Variants in TPRG1 observed in about 807,000 individuals in gnomAD.
TPRG1 encodes tumor protein p63 regulated 1.
In TPRG1, 29 loss-of-function variants were observed where a neutral mutation model predicts 29.3. The ratio of observed to expected loss-of-function variants is 0.99; its 90% CI spans 0.74 to 1.35. The LOEUF (loss-of-function observed/expected upper bound fraction) is 1.35, where lower values mean the gene tolerates loss of function less well. TPRG1 is among the 40% of genes most tolerant of loss of function. The pLI is 0.00. For missense variants in TPRG1, 327 were observed against 335.0 expected (o/e 0.98, Z 0.19); for synonymous variants, 130 against 116.8 (o/e 1.11, Z -0.73).
At chr3:189,162,283 G>T (rs1171157204) in intron 5 of TPRG1, among the ~76,000 whole-genome samples, 1 of 152,062 alleles carries the variant, frequency 6.6e-6, no homozygotes, top group South Asian at 2.1e-4. Context: ...ATGAGCCATC[G>T]CACCCAGCCG....
At chr3:189,095,352 C>T (rs1718606590), upstream of TPRG1, among the ~76,000 whole-genome samples, 1 of 152,076 alleles carries the variant, frequency 6.6e-6, no homozygotes. Flanking sequence ...AAAATTGTGT[C>T]TCAGTGGCAT....
At chr3:189,019,538 T>C (rs1713167735) in intron 3 of TPRG1, among the ~76,000 whole-genome samples, 1 of 152,256 alleles carries the variant, frequency 6.6e-6, no homozygotes, top group South Asian at 2.1e-4. Context: ...TTACATTTAC[T>C]GATTTGCGTG....
Position 189,078,091 on chromosome 3 carries a change from C to CTCTTTCTTTCTTTCTT in TPRG1, c.-462-48935_-462-48920dup, listed in dbSNP as rs67070787. Among the ~76,000 whole-genome samples the CTCTTTCTTTCTTTCTT allele has an allele frequency of 2.3e-3, 195 of 85,174 alleles. 2 individuals carry two copies. Among genetic ancestry groups the CTCTTTCTTTCTTTCTT allele is most frequent in the East Asian group, 0.011 (31 of 2,794 alleles). The allele number at this position is 85,174 out of a possible 152,430, so 55.9% of individuals were successfully genotyped here. A position where few individuals can be genotyped will look rare whatever the true frequency, so the allele number is the denominator to read the frequency against. On this transcript the variant is annotated intron_variant, in intron 4 of 10. Transcript: ENST00000433971. Reference sequence around the variant, plus strand: ...CTCCTTTCTCTCTTTCTCTCTTTCTCTCTTTCTTTCTTTCTTTCTTTCTTT... The same window carrying CTCTTTCTTTCTTTCTT: ...CTCCTTTCTCTCTTTCTCTCTTTCTCTCTTTCTTTCTTTCTTTCTTTCTTTCTTTCTTTCTTTCTTT...
chr3:189,318,591 A>G (rs925187606), intron 5 of TPRG1, among the ~76,000 whole-genome samples: 1 of 152,178 alleles, frequency 6.6e-6, no homozygotes, highest in East Asian at 1.9e-4. Context: ...GATCATAAAA[A>G]TAGAGCAGCT....
chr3:189,127,184 T>G (rs1399084359), exon 2 of TPRG1: 1 of 152,192 alleles, frequency 6.6e-6, no homozygotes, highest in Non-Finnish European at 1.5e-5. Context: ...AGAAGATCCT[T>G]GATAATATTT....
At chr3:189,141,132 G>T (rs796567330) in intron 3 of TPRG1, among the ~76,000 whole-genome samples, 15 of 152,280 alleles carry the variant, frequency 9.9e-5, no homozygotes, top group African/African-American at 3.6e-4. Flanking sequence ...ATGCCTACAG[G>T]TCTCTGTATC....
chr3:189,022,932 C>G (rs1460586007), intron 3 of TPRG1, among the ~76,000 whole-genome samples: 1 of 152,186 alleles, frequency 6.6e-6, no homozygotes, highest in African/African-American at 2.4e-5. Context: ...TCTCATGGTG[C>G]GCAGTTTTTT....
Position 189,144,471 on chromosome 3 carries a change from CTGTCAAA to C in TPRG1, c.-290-3112_-290-3106del, listed in dbSNP as rs1473306142. On this transcript the variant is annotated intron_variant, in intron 3 of 6. Coordinates refer to the TPRG1 transcript ENST00000412373. ...CGAAACAAAGAGGCAGGTGGTTCTGCTGTCAAACTGAGCATTAAAATATAACTGGGGG... is the reference window on the plus strand; with the variant it reads ...CGAAACAAAGAGGCAGGTGGTTCTGCCTGAGCATTAAAATATAACTGGGGG... 4.6e-5 allele frequency among the ~76,000 whole-genome samples: 7 copies of C among 152,290 alleles called. No homozygotes were observed. The East Asian group carries it at 1.2e-3, about 25-fold the overall frequency.
Position 189,024,155 on chromosome 3 carries a change from G to A in TPRG1, c.-463+209G>A, listed in dbSNP as rs1578205904. On this transcript the variant is annotated intron_variant, in intron 4 of 10. Transcript: ENST00000433971. ...CTGCCCTCCAGGCACTCCATCCCAG[G>A]GAGAAATTAGAACTCTGTAGCCAGT... 2.0e-5 allele frequency among the ~76,000 whole-genome samples: 3 copies of A among 152,378 alleles called. No homozygotes were observed. The South Asian group carries it at 6.2e-4, about 32-fold the overall frequency.
chr3:189,291,446 A>C (rs1255030404), intron 4 of TPRG1, among the ~76,000 whole-genome samples: 1 of 152,240 alleles, frequency 6.6e-6, no homozygotes, highest in African/African-American at 2.4e-5. Context: ...TAAATGAGAA[A>C]GCCATGCAGT....
intron 2 of TPRG1, 47 bp downstream of exon 2, chr3:189,207,641 G>T: frequency 6.4e-7 from 1 of 1,573,988 alleles, no homozygotes. Context: ...TTCACCCCAA[G>T]ACATCTTAAA....
intron 3 of TPRG1, among the ~76,000 whole-genome samples, chr3:189,008,295 G>A (rs987069079): frequency 6.6e-6 from 1 of 152,116 alleles, no homozygotes; most frequent in Non-Finnish European, 1.5e-5. Context: ...GCAGCACACT[G>A]TGATCAGTTG....
At chr3:189,047,814 G>A (rs1296852335) in intron 4 of TPRG1, among the ~76,000 whole-genome samples, 1 of 152,152 alleles carries the variant, frequency 6.6e-6, no homozygotes, top group African/African-American at 2.4e-5. Flanking sequence ...ATCTGTTAAA[G>A]TTTGATCATG....
At chr3:189,062,025 T>A (rs1159795552) in intron 4 of TPRG1, among the ~76,000 whole-genome samples, 1 of 152,118 alleles carries the variant, frequency 6.6e-6, no homozygotes. Context: ...AGCAAAGACA[T>A]GGAATCAACT....
intron 5 of TPRG1, 90 bp downstream of exon 5, chr3:189,310,629 T>C (rs990933693): frequency 9.6e-5 from 9 of 93,630 alleles, no homozygotes; most frequent in East Asian, 5.4e-4. Context: ...CAAAACAAAA[T>C]AAAATAAAAT....
intron 3 of TPRG1, among the ~76,000 whole-genome samples, chr3:189,145,824 A>T (rs1009286997): frequency 6.6e-6 from 1 of 152,258 alleles, no homozygotes; most frequent in Admixed American, 6.5e-5. Context: ...CAAGCTGCTA[A>T]GAAGTGATTA....
intron 4 of TPRG1, among the ~76,000 whole-genome samples, chr3:189,264,313 T>C (rs147318828): frequency 1.5e-3 from 224 of 152,292 alleles, no homozygotes; most frequent in African/African-American, 5.2e-3. Context: ...AAGCAAGAAG[T>C]ACAATGAGTT....
intron 1 of TPRG1, among the ~76,000 whole-genome samples, chr3:189,206,832 C>A (rs1330306534): frequency 1.9e-5 from 1 of 53,326 alleles, no homozygotes; most frequent in Non-Finnish European, 3.3e-5. Context: ...TGTGTGTGCA[C>A]GCGTGTATGC....
intron 4 of TPRG1, among the ~76,000 whole-genome samples, chr3:189,286,691 CAG>C (rs1303026361): frequency 1.3e-5 from 2 of 152,080 alleles, no homozygotes; most frequent in African/African-American, 2.4e-5. Context: ...CATATGGAAA[CAG>C]AGGAATGTCT....
Sources: gnomAD v4.1 joint callset for allele counts (sites outside exome capture counted in the v4.1 genomes callset) on GRCh38, gnomAD v4.1.1 for gene constraint, MANE v1.5 for transcripts, NCBI Gene and HGNC (gene_info 2026-07-23, HGNC 2026-07-21) for gene names.